ABCA4: variants seen among roughly 807,000 people sequenced by gnomAD.
ABCA4 encodes the protein retinal-specific phospholipid-transporting ATPase ABCA4.
Under a neutral mutation model 263.7 loss-of-function variants are expected in ABCA4, and 196 were observed. The ratio of observed to expected loss-of-function variants is 0.74; its 90% confidence interval spans 0.66 to 0.84. ABCA4 has a LOEUF of 0.84. Ranked by LOEUF, ABCA4 falls within the 40% of genes least tolerant of loss-of-function variation. The pLI, the probability that ABCA4 is intolerant of heterozygous loss-of-function variation, is 0.00. For synonymous variants in ABCA4, 1,133 were observed against 1,094.2 expected, an observed-to-expected ratio of 1.04 and a Z score of -0.70; for missense variants, 2,792 against 2,855.1, an observed-to-expected ratio of 0.98 and a Z score of 0.50.
chr1:94,093,420 A>G (rs1432169316), intron 6 of ABCA4, among the ~76,000 whole-genome samples: 2 of 152,222 alleles, frequency 1.3e-5, no homozygotes, highest in Admixed American at 1.3e-4. Context: ...ACTGTTCTGT[A>G]GAGATAAAAC....
In ABCA4 at chr1:94,037,559, C is replaced by T. The variant is rs150487448; in HGVS notation, c.3608-209G>A. 5.1e-4 allele frequency among the ~76,000 whole-genome samples: 77 copies of T among 151,928 alleles called. 1 individual carries two copies. The East Asian group carries it at 0.012, about 23-fold the overall frequency. On this transcript the variant is annotated intron_variant, in intron 24 of 49. Coordinates refer to ENST00000370225, the MANE Select transcript of ABCA4 (RefSeq NM_000350.3). ...ATCATCATTGAGAGGCAGAGGGAAACGGAAGCAAAGTCCTCCCGACTAGCT... is the reference window on the plus strand; with the variant it reads ...ATCATCATTGAGAGGCAGAGGGAAATGGAAGCAAAGTCCTCCCGACTAGCT...
At chr1:94,116,838 TTTAA>T (rs1277263312) in intron 1 of ABCA4, among the ~76,000 whole-genome samples, 1 of 152,176 alleles carries the variant, frequency 6.6e-6, no homozygotes, top group East Asian at 1.9e-4. Flanking sequence ...TGTCTGTAAC[TTTAA>T]TTAAGCCCAG....
In ABCA4 at chr1:94,112,995, G is replaced by A. The variant is rs745753737; in HGVS notation, c.138C>T (p.Asn46=). ...TACATTCATGATGGCTGTAGAGTGG[G>A]TTGGCATTCCTTAACCAGATCAAGA... The part of the protein sequence containing the change: ...FLVLIWLRNA[N]PLYSHHECHF... Residue 46 remains asparagine (N), a synonymous_variant, in exon 2 of 50, where the codon AAC becomes AAT. Transcript: ENST00000370225. The A allele has an allele frequency of 4.3e-6, 7 of 1,613,840 alleles. No individual in the cohort carries two copies. The East Asian group carries it at 1.3e-4, about 31-fold the overall frequency.
intron 11 of ABCA4, among the ~76,000 whole-genome samples, chr1:94,064,756 G>A (rs1302533145): frequency 1.3e-5 from 2 of 152,104 alleles, no homozygotes; most frequent in African/African-American, 2.4e-5. Flanking sequence ...GGGACCGGAC[G>A]GTTTGCCCTG....
At chr1:94,008,095 A>T in intron 42 of ABCA4, 140 bp downstream of exon 42, 1 of 781,906 alleles carries the variant, frequency 1.3e-6, no homozygotes, top group Non-Finnish European at 2.2e-6. Context: ...TCATGTGGCT[A>T]GTGGAAGATT....
At chr1:94,058,843 C>T (rs1461465159) in intron 14 of ABCA4, among the ~76,000 whole-genome samples, 3 of 152,232 alleles carry the variant, frequency 2.0e-5, no homozygotes, top group East Asian at 3.9e-4. Context: ...TCTAATAGCT[C>T]GAGTAACAAA....
intron 44 of ABCA4, 123 bp downstream of exon 44, chr1:94,005,318 C>T: frequency 7.6e-7 from 1 of 1,311,522 alleles, no homozygotes; most frequent in Non-Finnish European, 1.1e-6. Flanking sequence ...ACATAGTAAA[C>T]ATTTGTTGGA....
Position 93,997,876 on chromosome 1 carries a change from C to T in ABCA4, c.6714G>A (p.Gln2238=), listed in dbSNP as rs775015776. The part of the protein sequence containing the change: ...SLLIEEYSVT[Q]TTLDQVFVNF... ...GCCAACTTGCCTGGTCCAGTGTGGT[C>T]TGTGTGACTGAGTACTCCTCGATGA... is the stretch of plus-strand genomic sequence containing the variant. Residue 2238 remains glutamine (Q), a synonymous_variant, in exon 48 of 50, where the codon CAG becomes CAA. Coordinates refer to ENST00000370225, the MANE Select transcript of ABCA4 (RefSeq NM_000350.3). 4 of 1,613,928 alleles carry T rather than the reference C, an allele frequency of 2.5e-6. No individual in the cohort carries two copies. The highest frequency in any genetic ancestry group is 3.4e-6 in the Non-Finnish European group (4 of 1,180,010).
chr1:94,021,617 C>A, intron 34 of ABCA4, 23 bp downstream of exon 34: 1 of 1,597,256 alleles, frequency 6.3e-7, no homozygotes, highest in Non-Finnish European at 8.6e-7. Flanking sequence ...AGCTCCAGAG[C>A]AGATTATACA....
In ABCA4 at chr1:94,043,476, C is replaced by T; in HGVS notation, c.3051-1G>A. ...CAGCATGTGCTCAGCCACCGTGAGGCTAGGAGGATGGGACAACGAGAAAAG... is the reference window on the plus strand; with the variant it reads ...CAGCATGTGCTCAGCCACCGTGAGGTTAGGAGGATGGGACAACGAGAAAAG... On this transcript the variant is annotated splice_acceptor_variant, in intron 20 of 49. Transcript: ENST00000370225. LOFTEE classifies it high-confidence loss of function. 6.2e-7 allele frequency: 1 copy of T among 1,614,128 alleles called. No homozygotes were observed. Among genetic ancestry groups the T allele is most frequent in the Non-Finnish European group, 8.5e-7 (1 of 1,180,012 alleles).
Position 94,014,666 on chromosome 1 carries a change from G to T in ABCA4, c.5337C>A (p.Tyr1779Ter), listed in dbSNP as rs61750573. 1 of 1,614,194 alleles carries T rather than the reference G, an allele frequency of 6.2e-7. No individual in the cohort carries two copies. Among genetic ancestry groups the T allele is most frequent in the Non-Finnish European group, 8.5e-7 (1 of 1,180,038 alleles). ...LYGWAVIPMMYPASFLFDVPS... is the reference protein window; with the variant it reads ...LYGWAVIPMM ...GGACATCAAACAGGAAGGATGCTGGGTACATCATGGGAATGACCGCCCATC... is the reference window on the plus strand; with the variant it reads ...GGACATCAAACAGGAAGGATGCTGGTTACATCATGGGAATGACCGCCCATC... The change falls in exon 38 of 50, where the codon TAC becomes TAA. Residue 1779 changes from tyrosine (Y) to a stop codon, truncating the protein, a stop_gained. Coordinates refer to ENST00000370225, the MANE Select transcript of ABCA4 (RefSeq NM_000350.3). LOFTEE classifies it high-confidence loss of function.
intron 1 of ABCA4, among the ~76,000 whole-genome samples, chr1:94,120,773 A>G (rs1265367368): frequency 2.6e-5 from 4 of 152,066 alleles, no homozygotes; most frequent in Non-Finnish European, 4.4e-5. Context: ...ACAGAGAAAC[A>G]CATCTTCCTG....
In ABCA4 at chr1:94,042,756, G is replaced by A; in HGVS notation, c.3328+5C>T. 2 of 1,614,170 alleles carry A rather than the reference G, an allele frequency of 1.2e-6. No homozygotes were observed. Among genetic ancestry groups the A allele is most frequent in the Non-Finnish European group, 1.7e-6 (2 of 1,180,034 alleles). ...CAGCCCAGGAGACTGAGCAGCAGCT[G>A]TTACCTGAGCGATACTTCAGGAGCA... On this transcript the variant is annotated splice_donor_5th_base_variant and intron_variant, in intron 22 of 49. Coordinates refer to ENST00000370225, the MANE Select transcript of ABCA4 (RefSeq NM_000350.3).
chr1:94,010,795 C>G lies in ABCA4; in HGVS notation c.5714+5G>C. ...CCACTGGCCCAGGGTGTGGCATGGA[C>G]GTACCATTGGGAGAGGAAGAAGTGG... On this transcript the variant is annotated splice_donor_5th_base_variant and intron_variant, in intron 40 of 49. Coordinates refer to ENST00000370225, the MANE Select transcript of ABCA4 (RefSeq NM_000350.3). 6.2e-7 allele frequency: 1 copy of G among 1,614,074 alleles called. No individual in the cohort carries two copies. Among genetic ancestry groups the G allele is most frequent in the African/African-American group, 1.3e-5 (1 of 75,012 alleles).
intron 6 of ABCA4, among the ~76,000 whole-genome samples, chr1:94,086,783 G>A (rs987544515): frequency 6.6e-6 from 1 of 152,152 alleles, no homozygotes; most frequent in Non-Finnish European, 1.5e-5. Flanking sequence ...ATCAGCATAT[G>A]TGGCAGCACT....
chr1:93,998,193 G>A, intron 47 of ABCA4, 83 bp from the exon 48 acceptor site: 1 of 1,598,702 alleles, frequency 6.3e-7, no homozygotes, highest in African/African-American at 1.3e-5. Context: ...AGACTCATCA[G>A]AAATTTTGGG....
chr1:94,052,997 C>CA (rs1660880658), intron 16 of ABCA4, among the ~76,000 whole-genome samples: 1 of 152,222 alleles, frequency 6.6e-6, no homozygotes, highest in South Asian at 2.1e-4. Flanking sequence ...TCCCAACCCT[C>CA]AACCTCCAAT....
intron 36 of ABCA4, 86 bp from the exon 37 acceptor site, chr1:94,015,940 C>T: frequency 2.6e-6 from 3 of 1,146,408 alleles, no homozygotes; most frequent in Non-Finnish European, 3.9e-6. Context: ...CCAGGCTCCT[C>T]CAGCTCGTAG....
rs1350676706 is a variant in ABCA4, at chr1:94,043,495, A to T, written c.3051-20T>A. 1 of 1,614,140 alleles carries T rather than the reference A, an allele frequency of 6.2e-7. No individual in the cohort carries two copies. The highest frequency in any genetic ancestry group is 1.1e-5 in the South Asian group (1 of 91,068). ...GTGAGGCTAGGAGGATGGGACAACG[A>T]GAAAAGCAGTGGCTTAGCACTTCCA... On this transcript the variant is annotated intron_variant, in intron 20 of 49. Coordinates refer to ENST00000370225, the MANE Select transcript of ABCA4 (RefSeq NM_000350.3).
Sources: gnomAD v4.1 joint callset for allele counts (sites outside exome capture counted in the v4.1 genomes callset) on GRCh38, gnomAD v4.1.1 for gene constraint, MANE v1.5 for transcripts, NCBI Gene and HGNC (gene_info 2026-07-23, HGNC 2026-07-21) for gene names.